Variants in SRP19 observed in about 807,000 individuals in gnomAD.
SRP19 encodes the protein signal recognition particle 19 kDa protein.
SRP19 carries 11 observed loss-of-function variants against 22.4 expected under a neutral mutation model. That is an observed-to-expected ratio of 0.49 (90% CI 0.31 to 0.81). The LOEUF is 0.81. Ranked by LOEUF, SRP19 falls within the 40% of genes least tolerant of loss-of-function variation. SRP19 has a pLI of 0.05. For synonymous variants in SRP19, 61 were observed against 57.6 expected, an observed-to-expected ratio of 1.06 and a Z score of -0.27; for missense variants, 168 against 175.9, an observed-to-expected ratio of 0.96 and a Z score of 0.25.
At chr5:112,888,046 T>C (rs1188100046) in intron 4 of SRP19, among the ~76,000 whole-genome samples, 3 of 151,960 alleles carry the variant, frequency 2.0e-5, no homozygotes, top group Non-Finnish European at 4.4e-5. Context: ...TCTAACCACA[T>C]TGTATTCCAC....
chr5:112,882,805 A>G (rs1305982460), intron 4 of SRP19, among the ~76,000 whole-genome samples: 2 of 152,158 alleles, frequency 1.3e-5, no homozygotes, highest in Non-Finnish European at 2.9e-5. Context: ...CTTCGCAACT[A>G]TTTCATACCT....
rs370549763 is a variant in SRP19 at position 112,878,889 on chromosome 5, T to C, written c.302-12714T>C. On this transcript the variant is annotated intron_variant, in intron 4 of 4. Coordinates refer to the SRP19 transcript ENST00000391338. The stretch of plus-strand genomic sequence containing the variant: ...ATATATCAAAGCTCTTTCTTTGGAA[T>C]GCAAGCTTGCAAGCTTTGTGCCTAA... 195 of 1,613,078 alleles carry C rather than the reference T, an allele frequency of 1.2e-4. No individual in the cohort carries two copies. In the African/African-American group the frequency reaches 2.1e-3, roughly 17 times the overall value.
chr5:112,887,062 T>C lies in SRP19; in HGVS notation c.302-4541T>C, dbSNP rs554126287. 6 of 1,613,558 alleles carry C rather than the reference T, an allele frequency of 3.7e-6. No individual in the cohort carries two copies. The South Asian group carries it at 6.6e-5, about 18-fold the overall frequency. ...AGTCTCTTTGGCCTTGTCTTTAAGG[T>C]CCTTGACCACACTGTCCATCTGGGA... On this transcript the variant is annotated intron_variant, in intron 4 of 4. Coordinates refer to the SRP19 transcript ENST00000391338.
In SRP19 at chr5:112,864,718, T is replaced by C. The variant is rs144099306; in HGVS notation, c.287T>C (p.Val96Ala). The change falls in exon 4 of 5, where the codon GTA becomes GCA. Residue 96 changes from valine (V) to alanine (A), a missense_variant. Val to Ala is a moderately conservative substitution (Grantham distance 64). Transcript: ENST00000505459. ...LKQEDGSLCL[V>A]QFPSRKSVML... is the part of the protein sequence containing the mutation. ...CAGGAAGATGGGAGCCTCTGCCTTG[T>C]ACAGTTCCCATCACGTAAGCTTGTT... The C allele has an allele frequency of 6.2e-7, 1 of 1,613,062 alleles. No individual in the cohort carries two copies. Among genetic ancestry groups the C allele is most frequent in the Non-Finnish European group, 8.5e-7 (1 of 1,179,474 alleles).
At chr5:112,892,534 GGAC>G (rs774595746) in exon 5 of SRP19, 2 of 1,614,224 alleles carry the variant, frequency 1.2e-6, no homozygotes, top group South Asian at 2.2e-5. Flanking sequence ...ATGGTATGCA[GGAC>G]GACAGCTGCA....
downstream of SRP19, among the ~76,000 whole-genome samples, chr5:112,873,115 G>A (rs1191912589): frequency 7.2e-6 from 1 of 139,052 alleles, no homozygotes; most frequent in Non-Finnish European, 1.5e-5. Context: ...TGCCCATCGT[G>A]CTGGGCAGCT....
At position 112,867,570 on chromosome 5, in the gene SRP19, G is replaced by T; in HGVS notation, c.*33G>T. On this transcript the variant is annotated 3_prime_UTR_variant, in exon 5 of 5. Transcript: ENST00000505459. ...TCAGCATCAAGTATGTGGTACTACT[G>T]TAAGAGACATGAATGGAGACTTCTA... The T allele has an allele frequency of 1.3e-6, 2 of 1,556,866 alleles. No individual in the cohort carries two copies. Among genetic ancestry groups the T allele is most frequent in the Admixed American group, 2.0e-5 (1 of 50,276 alleles).
intron 4 of SRP19, among the ~76,000 whole-genome samples, chr5:112,866,316 A>G (rs1401153877): frequency 1.3e-5 from 2 of 151,820 alleles, no homozygotes; most frequent in Non-Finnish European, 2.9e-5. Context: ...GAGTTTCTCC[A>G]TCTTGGTCAG....
Position 112,867,022 on chromosome 5 carries a change from G to T in SRP19, c.302-382G>T, listed in dbSNP as rs539099450. ...AACTTGATGATACTGTTTTTTTGTT[G>T]TAAGACTGAGAAAACCCTGTATTTC... On this transcript the variant is annotated intron_variant, in intron 4 of 4. Coordinates refer to ENST00000505459, the MANE Select transcript of SRP19 (RefSeq NM_003135.3). Among the ~76,000 whole-genome samples, 52 of 152,146 alleles carry T rather than the reference G, an allele frequency of 3.4e-4. 1 individual carries two copies. In the South Asian group the frequency reaches 5.4e-3, roughly 16 times the overall value.
chr5:112,867,227 A>G, intron 4 of SRP19, 177 bp from the exon 5 acceptor site: 1 of 640,164 alleles, frequency 1.6e-6, no homozygotes. Flanking sequence ...CACTCTCAGT[A>G]CATTTCCCCC....
At chr5:112,879,368 TC>T (rs1767999612) in intron 4 of SRP19, among the ~76,000 whole-genome samples, 1 of 151,948 alleles carries the variant, frequency 6.6e-6, no homozygotes, top group African/African-American at 2.4e-5. Flanking sequence ...GGAGATTAGT[TC>T]CAGGAACCCT....
rs367947331 is a variant in SRP19, at chr5:112,862,575, A to G, written c.109A>G (p.Ile37Val). 8.7e-6 allele frequency: 14 copies of G among 1,613,742 alleles called. No individual in the cohort carries two copies. The highest frequency in any genetic ancestry group is 1.7e-5 in the Admixed American group (1 of 60,008). The change falls in exon 2 of 5, where the codon ATA (isoleucine) becomes GTA (valine). Residue 37 changes from isoleucine to valine, a missense_variant. By Grantham distance (29) the Ile-to-Val change is conservative. Coordinates refer to ENST00000505459, the MANE Select transcript of SRP19 (RefSeq NM_003135.3). ...KTIAEGRRIP[I>V]SKAVENPTAT... ...CATCGCAGAGGGAAGGCGAATCCCC[A>G]TAAGTAAGGTAAGCAAGATGGCTGG...
chr5:112,871,675 T>C (rs896879535), downstream of SRP19, among the ~76,000 whole-genome samples: 2 of 152,070 alleles, frequency 1.3e-5, no homozygotes, highest in African/African-American at 2.4e-5. Context: ...GGAGAATCAC[T>C]TGAACCGTGG....
chr5:112,861,454 G>A (rs1767395025), intron 1 of SRP19, 37 bp downstream of exon 1: 1 of 1,606,238 alleles, frequency 6.2e-7, no homozygotes, highest in Non-Finnish European at 8.5e-7. Context: ...GAAAGGAAGG[G>A]GCTTGCTGTG....
intron 4 of SRP19, among the ~76,000 whole-genome samples, chr5:112,887,647 C>G (rs1043660005): frequency 6.6e-6 from 1 of 152,146 alleles, no homozygotes; most frequent in Non-Finnish European, 1.5e-5. Context: ...AATACCTTGT[C>G]CATTCCTGAA....
intron 4 of SRP19, among the ~76,000 whole-genome samples, chr5:112,883,709 G>C (rs1289663656): frequency 6.6e-6 from 1 of 152,050 alleles, no homozygotes; most frequent in African/African-American, 2.4e-5. Context: ...CTAGCTATTT[G>C]ACTAATCCTT....
At position 112,868,046 on chromosome 5, in the gene SRP19, G is replaced by T. The variant is rs2900065; in HGVS notation, c.*509G>T. 0.01 allele frequency: 10,239 copies of T among 985,566 alleles called. 352 individuals are homozygous for T. In the East Asian group the frequency reaches 0.16, roughly 15 times the overall value. 61.1% of individuals were successfully genotyped at this position (985,566 alleles called of 1,614,324 possible). A position where few individuals can be genotyped will look rare whatever the true frequency, so the allele number is the denominator to read the frequency against. ...GTCCTTTTGTGGGTGGGGGACAGGG[G>T]AGTCTGTAAAAAGCCAGTCTGTAGA... is the stretch of plus-strand genomic sequence containing the variant. On this transcript the variant is annotated 3_prime_UTR_variant, in exon 5 of 5. Coordinates refer to ENST00000505459, the MANE Select transcript of SRP19 (RefSeq NM_003135.3).
downstream of SRP19, among the ~76,000 whole-genome samples, chr5:112,870,658 G>A (rs1767736172): frequency 6.6e-6 from 1 of 152,162 alleles, no homozygotes; most frequent in Non-Finnish European, 1.5e-5. Flanking sequence ...GGAACCTTTG[G>A]GAGGTGATTG....
At chr5:112,875,913 G>A (rs712670) in intron 4 of SRP19, among the ~76,000 whole-genome samples, 66,406 of 151,578 alleles carry the variant, frequency 0.44, 17,004 homozygotes, top group East Asian at 0.66. Context: ...CAGGCGTGGC[G>A]GCGGGTGCGT....
Sources: allele counts gnomAD v4.1 joint callset (sites outside exome capture counted in the v4.1 genomes callset), GRCh38; gene constraint gnomAD v4.1.1; transcripts MANE v1.5; gene names NCBI Gene and HGNC (gene_info 2026-07-23, HGNC 2026-07-21).